Variants in PRKD3 observed in about 807,000 individuals in gnomAD.
PRKD3 encodes protein kinase D3.
Under a neutral mutation model 99.2 loss-of-function variants are expected in PRKD3, and 47 were observed. The ratio of observed to expected loss-of-function variants is 0.47; its 90% CI spans 0.38 to 0.60. The LOEUF is 0.60. Ranked by LOEUF, PRKD3 falls within the 20% of genes least tolerant of loss-of-function variation. The probability of loss-of-function intolerance (pLI) is 0.00; values close to 1 mark genes in which losing one functional copy is unlikely to be tolerated. For synonymous variants in PRKD3, 392 were observed against 355.4 expected, an observed-to-expected ratio of 1.10 and a Z score of -1.16; for missense variants, 1,019 against 1,088.4, an observed-to-expected ratio of 0.94 and a Z score of 0.90.
chr2:37,270,797 G>A (rs1263543533), intron 12 of PRKD3, among the ~76,000 whole-genome samples: 2 of 152,144 alleles, frequency 1.3e-5, no homozygotes, highest in Non-Finnish European at 2.9e-5. Context: ...AATCAGATTA[G>A]GAGGCATCCA....
intron 2 of PRKD3, among the ~76,000 whole-genome samples, chr2:37,310,482 C>T (rs1671377750): frequency 6.6e-6 from 1 of 152,108 alleles, no homozygotes; most frequent in South Asian, 2.1e-4. Context: ...AGTTTAACCC[C>T]AAAACTAATG....
Position 37,298,522 on chromosome 2 carries a change from C to T in PRKD3, c.289-5251G>A, listed in dbSNP as rs1670771836. On this transcript the variant is annotated intron_variant, in intron 2 of 18. Coordinates refer to ENST00000234179, the MANE Select transcript of PRKD3 (RefSeq NM_005813.6). ...TTTTCCATCTGTAAAATAGTGCCTA[C>T]TTGCCTACTTCATAAAATTATCATG... Among the ~76,000 whole-genome samples, 3 of 152,038 alleles carry T rather than the reference C, an allele frequency of 2.0e-5. No homozygotes were observed. The South Asian group carries it at 6.2e-4, about 31-fold the overall frequency.
intron 2 of PRKD3, among the ~76,000 whole-genome samples, chr2:37,308,606 C>G (rs1217101677): frequency 6.6e-6 from 1 of 151,248 alleles, no homozygotes; most frequent in African/African-American, 2.4e-5. Flanking sequence ...AGGCACCTGC[C>G]ACCACACCTG....
At chr2:37,272,997 G>A (rs1669372339) in intron 11 of PRKD3, among the ~76,000 whole-genome samples, 1 of 151,686 alleles carries the variant, frequency 6.6e-6, no homozygotes, top group African/African-American at 2.4e-5. Flanking sequence ...GGGGAGGGGG[G>A]GAAGTGGAGT....
At chr2:37,301,992 C>A (rs1045307544) in intron 2 of PRKD3, among the ~76,000 whole-genome samples, 2 of 152,096 alleles carry the variant, frequency 1.3e-5, no homozygotes, top group Non-Finnish European at 2.9e-5. Flanking sequence ...CAAGAATTAT[C>A]CCACCCAAAA....
In PRKD3 at chr2:37,274,140, A is replaced by AGGTGAAGTACTTACTACTACAGTGT. The variant is rs1478243155; in HGVS notation, c.1651+280_1651+281insACACTGTAGTAGTAAGTACTTCACC. ...TTATGAAGTACTTACTACTACAGTG[A>AGGTGAAGTACTTACTACTACAGTGT]GGTAAAGTACTTGCCTGATCATATA... On this transcript the variant is annotated intron_variant, in intron 11 of 18. Transcript: ENST00000234179. Among the ~76,000 whole-genome samples, 11 of 152,324 alleles carry AGGTGAAGTACTTACTACTACAGTGT rather than the reference A, an allele frequency of 7.2e-5. No individual in the cohort carries two copies. In the East Asian group the frequency reaches 1.5e-3, roughly 21 times the overall value.
intron 2 of PRKD3, among the ~76,000 whole-genome samples, chr2:37,312,434 A>G (rs573567065): frequency 6.6e-6 from 1 of 152,342 alleles, no homozygotes; most frequent in South Asian, 2.1e-4. Context: ...TCAGAGGCAA[A>G]CACAGCTTTT....
At chr2:37,254,411 G>T in intron 17 of PRKD3, 122 bp from the exon 18 acceptor site, 1 of 686,414 alleles carries the variant, frequency 1.5e-6, no homozygotes, top group Non-Finnish European at 2.6e-6. Context: ...TGCTTCTCAA[G>T]GACGTGGACT....
chr2:37,324,792 C>G lies in PRKD3; in HGVS notation c.-767G>C, dbSNP rs1017785927. The G allele has an allele frequency of 2.7e-5, 4 of 150,870 alleles. No individual in the cohort carries two copies. The East Asian group carries it at 7.8e-4, about 29-fold the overall frequency. The allele number at this position is 150,870 out of a possible 1,614,324, so 9.3% of individuals were successfully genotyped here. On this transcript the variant is annotated 5_prime_UTR_variant, in exon 1 of 19. Coordinates refer to ENST00000234179, the MANE Select transcript of PRKD3 (RefSeq NM_005813.6). ...CAGGATCCCGCCCGCCTCCGGCGCC[C>G]CTTCCTCCCTCCCTCCCCGTCCCGT...
At chr2:37,308,420 C>T (rs548439366) in intron 2 of PRKD3, among the ~76,000 whole-genome samples, 2 of 152,154 alleles carry the variant, frequency 1.3e-5, no homozygotes, top group South Asian at 4.1e-4. Context: ...CTGAAATTTA[C>T]CTTGGTGTCA....
At chr2:37,289,943 T>C (rs897136841) in intron 4 of PRKD3, among the ~76,000 whole-genome samples, 4 of 152,250 alleles carry the variant, frequency 2.6e-5, no homozygotes, top group Admixed American at 2.0e-4. Flanking sequence ...GAAAATTTTA[T>C]GAAACTCAAA....
chr2:37,256,032 A>T (rs1411286238), intron 17 of PRKD3, among the ~76,000 whole-genome samples: 1 of 152,160 alleles, frequency 6.6e-6, no homozygotes, highest in Non-Finnish European at 1.5e-5. Context: ...AAAAGATAAT[A>T]AAAAAGCCCA....
chr2:37,295,069 G>A (rs1670616740), intron 2 of PRKD3, among the ~76,000 whole-genome samples: 1 of 152,058 alleles, frequency 6.6e-6, no homozygotes, highest in Non-Finnish European at 1.5e-5. Context: ...ACAGAATGAG[G>A]CTCCGTCACA....
intron 14 of PRKD3, among the ~76,000 whole-genome samples, chr2:37,266,575 C>T (rs1349777905): frequency 1.3e-5 from 2 of 152,144 alleles, no homozygotes; most frequent in African/African-American, 4.8e-5. Context: ...CAGCCTCCAC[C>T]TTCCAGGTTC....
intron 4 of PRKD3, among the ~76,000 whole-genome samples, chr2:37,289,856 A>C (rs1451357390): frequency 1.3e-5 from 2 of 152,236 alleles, no homozygotes; most frequent in Non-Finnish European, 2.9e-5. Flanking sequence ...TACGATGCAC[A>C]ATACAGTTTG....
chr2:37,274,603 G>C lies in PRKD3; in HGVS notation c.1469C>G (p.Thr490Ser), dbSNP rs141082908. Residue 490 changes from threonine (T) to serine (S), a missense_variant, in exon 11 of 19, where the codon ACT becomes AGT. Around this residue, in one of 3 missense-constraint regions of PRKD3, gnomAD observed 710 missense variants for 692.7 expected, o/e 1.02. Transcript: ENST00000234179. ...GSNPHCFEIITDTMVYFVGEN... is the reference protein window; with the variant it reads ...GSNPHCFEIISDTMVYFVGEN... The stretch of plus-strand genomic sequence containing the variant: ...ACCAACGAAGTATACCATAGTATCA[G>C]TAATGATTTCAAAACAGTGTGGATT... The C allele has an allele frequency of 9.9e-6, 16 of 1,613,962 alleles. No homozygotes were observed. The highest frequency in any genetic ancestry group is 1.4e-5 in the Non-Finnish European group (16 of 1,179,938).
chr2:37,262,453 A>G (rs1365055726), intron 14 of PRKD3, among the ~76,000 whole-genome samples: 3 of 152,254 alleles, frequency 2.0e-5, no homozygotes, highest in Admixed American at 6.5e-5. Context: ...AATGCAAAAT[A>G]GACTTGTTTG....
chr2:37,256,628 A>ATTTTT (rs56389006), intron 17 of PRKD3, 34 bp downstream of exon 17: 43 of 1,202,226 alleles, frequency 3.6e-5, no homozygotes, highest in East Asian at 1.9e-4. Flanking sequence ...CATAGCCAAA[A>ATTTTT]TTTTTTTTTT....
chr2:37,271,346 A>G (rs1443419466), intron 12 of PRKD3, among the ~76,000 whole-genome samples: 1 of 152,216 alleles, frequency 6.6e-6, no homozygotes, highest in Admixed American at 6.5e-5. Context: ...ACAAATCAAA[A>G]TAATATTCTG....
Sources: allele counts gnomAD v4.1 joint callset (sites outside exome capture counted in the v4.1 genomes callset), GRCh38; gene constraint gnomAD v4.1.1; regional missense constraint gnomAD v4.1.1; transcripts MANE v1.5; gene names NCBI Gene and HGNC (gene_info 2026-07-23, HGNC 2026-07-21).